The following CTNNA2 variants were observed in gnomAD, a reference collection of about 807,000 sequenced individuals.
CTNNA2 encodes the protein catenin alpha 2, also known as catenin alpha-2.
In CTNNA2, 42 loss-of-function variants were observed where a neutral mutation model predicts 101.0. The observed-to-expected ratio is 0.42, with a 90% confidence interval of 0.32 to 0.54. The LOEUF is 0.54. CTNNA2 is among the 20% of genes least tolerant of loss of function. The pLI, the probability that CTNNA2 is intolerant of heterozygous loss-of-function variation, is 0.14. For missense variants in CTNNA2, 871 were observed against 1,223.1 expected, an observed-to-expected ratio of 0.71 and a Z score of 4.29; for synonymous variants, 450 against 456.4, an observed-to-expected ratio of 0.99 and a Z score of 0.18.
At position 79,818,824 on chromosome 2, in the gene CTNNA2, TATATATATA is replaced by T. The variant is rs1677753183; in HGVS notation, c.299-39188_299-39180del. 2.6e-5 allele frequency among the ~76,000 whole-genome samples: 3 copies of T among 117,620 alleles called. 1 individual carries two copies. The highest frequency in any genetic ancestry group is 9.4e-5 in the African/African-American group (3 of 31,976). 77.2% of individuals were successfully genotyped at this position (117,620 alleles called of 152,430 possible). On this transcript the variant is annotated intron_variant, in intron 3 of 18. Coordinates refer to ENST00000402739, the MANE Select transcript of CTNNA2 (RefSeq NM_001282597.3). ...TACTTCAGGATCCAAAATGCAATTA[TATATATATA>T]TATATATATATATATGGATGTATGT...
chr2:79,721,301 G>T (rs537628326), intron 2 of CTNNA2, among the ~76,000 whole-genome samples: 37 of 152,198 alleles, frequency 2.4e-4, no homozygotes, highest in African/African-American at 8.9e-4. Context: ...TCTGGCATCT[G>T]GTGAGGGCCT....
At chr2:80,163,809 A>G (rs1704488088) in intron 7 of CTNNA2, among the ~76,000 whole-genome samples, 1 of 152,068 alleles carries the variant, frequency 6.6e-6, no homozygotes, top group Non-Finnish European at 1.5e-5. Flanking sequence ...TTTAATACAT[A>G]CATATTTAGG....
chr2:79,269,844 G>A (rs1349618495), intron 2 of CTNNA2, among the ~76,000 whole-genome samples: 2 of 152,232 alleles, frequency 1.3e-5, no homozygotes, highest in East Asian at 1.9e-4. Flanking sequence ...GATCTAGCAT[G>A]TTCACTAACT....
At chr2:80,446,268 A>C (rs2149449104) in intron 9 of CTNNA2, among the ~76,000 whole-genome samples, 1 of 152,280 alleles carries the variant, frequency 6.6e-6, no homozygotes, top group Non-Finnish European at 1.5e-5. Context: ...AGAGAGACTA[A>C]TTCATTATGC....
At position 80,545,720 on chromosome 2, in the gene CTNNA2, C is replaced by T. The variant is rs146555940; in HGVS notation, c.1384-187C>T. On this transcript the variant is annotated intron_variant, in intron 10 of 18. Coordinates refer to ENST00000402739, the MANE Select transcript of CTNNA2 (RefSeq NM_001282597.3). ...CAAACTATTATGTCTTAAAAAGAAG[C>T]AAACAAAAATTAATGGTAGTTGAAA... Among the ~76,000 whole-genome samples the T allele has an allele frequency of 2.7e-3, 410 of 152,262 alleles. 2 individuals are homozygous for T. Among genetic ancestry groups the T allele is most frequent in the Non-Finnish European group, 4.5e-3 (303 of 68,006 alleles).
intron 9 of CTNNA2, among the ~76,000 whole-genome samples, chr2:80,539,517 T>C (rs1242407132): frequency 6.6e-6 from 1 of 152,162 alleles, no homozygotes; most frequent in African/African-American, 2.4e-5. Context: ...CTCCATGATA[T>C]GTTTACTGAT....
intron 1 of CTNNA2, among the ~76,000 whole-genome samples, chr2:79,629,778 G>T (rs1679563957): frequency 6.6e-6 from 1 of 152,260 alleles, no homozygotes; most frequent in African/African-American, 2.4e-5. Context: ...GTATATTAAT[G>T]ACTTTTTTTA....
chr2:80,399,657 A>G (rs571271402), intron 8 of CTNNA2, among the ~76,000 whole-genome samples: 95 of 152,308 alleles, frequency 6.2e-4, no homozygotes, highest in African/African-American at 1.9e-3. Flanking sequence ...GAAGGGAAGG[A>G]GTAAATAGCA....
chr2:80,616,271 G>C (rs1249846508), intron 17 of CTNNA2: 1 of 151,632 alleles, frequency 6.6e-6, no homozygotes, highest in Admixed American at 6.6e-5. Flanking sequence ...TATGTGAGAC[G>C]CTACCATAAA....
intron 9 of CTNNA2, among the ~76,000 whole-genome samples, chr2:80,494,675 A>G (rs1687308661): frequency 6.6e-6 from 1 of 150,946 alleles, no homozygotes; most frequent in Admixed American, 6.6e-5. Context: ...CAGAAAAGCT[A>G]GACGAAGGGA....
At chr2:79,405,164 G>A (rs1678327950) in intron 4 of CTNNA2, among the ~76,000 whole-genome samples, 2 of 151,934 alleles carry the variant, frequency 1.3e-5, no homozygotes, top group Admixed American at 1.3e-4. Flanking sequence ...AGAATCTAGA[G>A]GTGAAAGACT....
At chr2:79,186,762 C>T (rs1673783553) in intron 1 of CTNNA2, among the ~76,000 whole-genome samples, 1 of 152,176 alleles carries the variant, frequency 6.6e-6, no homozygotes, top group South Asian at 2.1e-4. Flanking sequence ...TACAGTGGCT[C>T]TCAGTCTTCA....
intron 1 of CTNNA2, among the ~76,000 whole-genome samples, chr2:79,586,706 A>G (rs1209617444): frequency 6.6e-6 from 1 of 152,048 alleles, no homozygotes; most frequent in Non-Finnish European, 1.5e-5. Flanking sequence ...TTTGGGAGAC[A>G]GGTGGTTTTT....
intron 7 of CTNNA2, among the ~76,000 whole-genome samples, chr2:80,346,624 C>T (rs1025574940): frequency 5.3e-5 from 8 of 152,186 alleles, no homozygotes; most frequent in Non-Finnish European, 1.0e-4. Flanking sequence ...TTTCCTTTCT[C>T]TCAGCATCGG....
intron 7 of CTNNA2, among the ~76,000 whole-genome samples, chr2:80,310,972 C>CAAAAAA (rs3040535): frequency 1.0e-5 from 1 of 96,402 alleles, no homozygotes. Context: ...GACTCCATCT[C>CAAAAAA]AAAAAAAAAA....
intron 9 of CTNNA2, among the ~76,000 whole-genome samples, chr2:80,524,823 C>T (rs1689887004): frequency 6.6e-6 from 1 of 152,202 alleles, no homozygotes; most frequent in African/African-American, 2.4e-5. Flanking sequence ...GGTGGTCCCA[C>T]TCTGACAAGC....
At chr2:80,199,152 GC>G (rs1191597003) in intron 7 of CTNNA2, among the ~76,000 whole-genome samples, 8 of 118,078 alleles carry the variant, frequency 6.8e-5, no homozygotes, top group African/African-American at 2.7e-4. Flanking sequence ...TTGCACTCCA[GC>G]CTGGGAGACA....
At chr2:80,069,508 T>G (rs1698190673) in intron 7 of CTNNA2, among the ~76,000 whole-genome samples, 1 of 152,218 alleles carries the variant, frequency 6.6e-6, no homozygotes, top group South Asian at 2.1e-4. Flanking sequence ...CCATCCGCCA[T>G]ACGATTGAAA....
intron 3 of CTNNA2, among the ~76,000 whole-genome samples, chr2:79,809,788 A>C (rs369398092): frequency 6.6e-6 from 1 of 152,146 alleles, no homozygotes; most frequent in East Asian, 1.9e-4. Context: ...CTTTAGTTTA[A>C]TTAGATCCCG....
Sources: allele counts gnomAD v4.1 joint callset (sites outside exome capture counted in the v4.1 genomes callset), GRCh38; gene constraint gnomAD v4.1.1; transcripts MANE v1.5; gene names NCBI Gene and HGNC (gene_info 2026-07-23, HGNC 2026-07-21).